The following PAK1 variants were observed in gnomAD, a reference collection of about 807,000 sequenced individuals.
The protein encoded by PAK1 is p21 (RAC1) activated kinase 1, also known as serine/threonine-protein kinase PAK 1.
Under a neutral mutation model 67.4 loss-of-function variants are expected in PAK1, and 29 were observed. The ratio of observed to expected loss-of-function variants is 0.43; its 90% CI spans 0.32 to 0.59. PAK1 has a LOEUF of 0.59. Ranked by LOEUF, PAK1 falls within the 20% of genes least tolerant of loss-of-function variation. PAK1 has a pLI of 0.07. For synonymous variants in PAK1, 223 were observed against 237.4 expected (o/e 0.94, Z 0.56); for missense variants, 337 against 670.7 (o/e 0.50, Z 5.50).
chr11:77,364,772 T>A (rs1216387966), intron 5 of PAK1, among the ~76,000 whole-genome samples: 1 of 152,064 alleles, frequency 6.6e-6, no homozygotes, highest in Non-Finnish European at 1.5e-5. Flanking sequence ...ATAAATACAT[T>A]CAAAAAACTA....
the PAK1 span, among the ~76,000 whole-genome samples, chr11:77,485,071 T>C: frequency 1.3e-5 from 2 of 152,094 alleles, no homozygotes; most frequent in African/African-American, 4.8e-5. Context: ...CATAATTCAA[T>C]TACCTCCCAC....
rs1358629341 is a variant in PAK1, at chr11:77,355,693, A to G, written c.747T>C (p.Ser249=). The G allele has an allele frequency of 6.2e-7, 1 of 1,613,538 alleles. No homozygotes were observed. The highest frequency in any genetic ancestry group is 1.1e-5 in the South Asian group (1 of 91,060). Residue 249 remains serine (S), a synonymous_variant, in exon 7 of 15, where the codon TCT becomes TCC. Transcript: ENST00000356341. ...TEKQKKKPKM[S]DEEILEKLRS... Reference sequence around the variant, plus strand: ...GTAATTTCTCCAAGATCTCCTCATCAGACATTTTAGGCTTCTTCTTCTGCT... The same window carrying G: ...GTAATTTCTCCAAGATCTCCTCATCGGACATTTTAGGCTTCTTCTTCTGCT...
chr11:77,384,348 G>A (rs1189285742), intron 2 of PAK1, among the ~76,000 whole-genome samples: 1 of 152,084 alleles, frequency 6.6e-6, no homozygotes, highest in Non-Finnish European at 1.5e-5. Context: ...CATATCCCAG[G>A]GATATAGTAT....
chr11:77,404,402 G>C (rs1434327045), intron 1 of PAK1, among the ~76,000 whole-genome samples: 1 of 151,934 alleles, frequency 6.6e-6, no homozygotes, highest in African/African-American at 2.4e-5. Context: ...CGAGTAGCTA[G>C]AACTACAGAC....
intron 1 of PAK1, among the ~76,000 whole-genome samples, chr11:77,458,759 C>T (rs1335809440): frequency 6.6e-6 from 1 of 152,152 alleles, no homozygotes; most frequent in South Asian, 2.1e-4. Context: ...GTGCAAAGGA[C>T]GGAGAGAGTA....
chr11:77,496,617 A>G, the PAK1 span, among the ~76,000 whole-genome samples: 1 of 152,006 alleles, frequency 6.6e-6, no homozygotes, highest in African/African-American at 2.4e-5. Flanking sequence ...CTGAAAAAAG[A>G]AAGAAAAGAA....
chr11:77,332,675 A>G, intron 14 of PAK1, 55 bp downstream of exon 14: 1 of 1,476,680 alleles, frequency 6.8e-7, no homozygotes, highest in South Asian at 1.2e-5. Context: ...GAAGTAAAAA[A>G]GGCCTGGTTT....
chr11:77,330,146 A>C (rs1941122758), intron 14 of PAK1, among the ~76,000 whole-genome samples: 1 of 152,228 alleles, frequency 6.6e-6, no homozygotes, highest in South Asian at 2.1e-4. Flanking sequence ...GATACAAACA[A>C]ATGGAAGAAC....
chr11:77,333,280 C>T (rs1942059829), intron 13 of PAK1, among the ~76,000 whole-genome samples: 1 of 150,942 alleles, frequency 6.6e-6, no homozygotes, highest in Non-Finnish European at 1.5e-5. Context: ...TCACTGCAAC[C>T]TCCACCTCCC....
intron 7 of PAK1, among the ~76,000 whole-genome samples, chr11:77,354,968 G>C (rs1184746976): frequency 6.6e-6 from 1 of 152,106 alleles, no homozygotes; most frequent in African/African-American, 2.4e-5. Flanking sequence ...GGCAGCTAAA[G>C]AAAGTAAAAT....
the PAK1 span, among the ~76,000 whole-genome samples, chr11:77,512,954 C>T: frequency 1.3e-5 from 2 of 152,058 alleles, no homozygotes; most frequent in Non-Finnish European, 1.5e-5. Context: ...ATTAGCTGGA[C>T]GTGGTGGCAC....
chr11:77,513,761 C>G, the PAK1 span, among the ~76,000 whole-genome samples: 2 of 148,426 alleles, frequency 1.3e-5, no homozygotes, highest in Non-Finnish European at 3.0e-5. Flanking sequence ...CTACCCAGAT[C>G]AGAGTCTTTG....
At chr11:77,472,026 C>T (rs1957880777) in intron 1 of PAK1, among the ~76,000 whole-genome samples, 1 of 152,178 alleles carries the variant, frequency 6.6e-6, no homozygotes, top group African/African-American at 2.4e-5. Flanking sequence ...GGCAGACCTT[C>T]ATTGTTTACT....
At chr11:77,450,074 G>C (rs1390451990) in intron 1 of PAK1, among the ~76,000 whole-genome samples, 1 of 152,144 alleles carries the variant, frequency 6.6e-6, no homozygotes, top group Non-Finnish European at 1.5e-5. Flanking sequence ...AATACCCTCA[G>C]TCTAACTCAA....
At chr11:77,520,694 A>G in the PAK1 span, among the ~76,000 whole-genome samples, 2 of 152,304 alleles carry the variant, frequency 1.3e-5, no homozygotes, top group South Asian at 4.1e-4. Flanking sequence ...ACAGAGGAGG[A>G]AAAAGGAAAA....
At chr11:77,340,178 C>T (rs1943371112) in intron 11 of PAK1, among the ~76,000 whole-genome samples, 1 of 151,948 alleles carries the variant, frequency 6.6e-6, no homozygotes, top group Non-Finnish European at 1.5e-5. Flanking sequence ...CAGATGTTTA[C>T]TCAAATCTAT....
intron 1 of PAK1, among the ~76,000 whole-genome samples, chr11:77,464,786 AAC>A (rs1278623944): frequency 3.9e-5 from 6 of 152,260 alleles, no homozygotes; most frequent in Non-Finnish European, 8.8e-5. Flanking sequence ...AAAATCATCT[AAC>A]ACAGAGTCTA....
chr11:77,365,484 C>T (rs1010504897), intron 5 of PAK1, among the ~76,000 whole-genome samples: 5 of 151,076 alleles, frequency 3.3e-5, no homozygotes, highest in Non-Finnish European at 7.4e-5. Context: ...TTGATAAAAA[C>T]ATTAAACTAC....
chr11:77,500,904 G>C, the PAK1 span, among the ~76,000 whole-genome samples: 11 of 152,114 alleles, frequency 7.2e-5, no homozygotes, highest in Admixed American at 3.9e-4. Context: ...TAGCCTCTGG[G>C]CTCCTGGCTC....
Sources: allele counts gnomAD v4.1 joint callset (sites outside exome capture counted in the v4.1 genomes callset), GRCh38; gene constraint gnomAD v4.1.1; transcripts MANE v1.5; gene names NCBI Gene and HGNC (gene_info 2026-07-23, HGNC 2026-07-21).